AGPS: variants seen among roughly 807,000 people sequenced by gnomAD.
AGPS encodes alkylglycerone phosphate synthase, also known as alkyldihydroxyacetonephosphate synthase, peroxisomal.
In AGPS, 26 loss-of-function variants were observed where a neutral mutation model predicts 90.7. That is an observed-to-expected ratio of 0.29 (90% CI 0.21 to 0.40). AGPS has a LOEUF of 0.40. Among genes scored for constraint, AGPS ranks in the 10% least tolerant of loss-of-function variants. The pLI is 1.00. For missense variants in AGPS, 540 were observed against 816.1 expected (o/e 0.66, Z 4.12); for synonymous variants, 294 against 285.3 (o/e 1.03, Z -0.31).
intron 1 of AGPS, among the ~76,000 whole-genome samples, chr2:177,397,431 A>G (rs986588453): frequency 3.3e-5 from 5 of 149,346 alleles, no homozygotes; most frequent in South Asian, 2.1e-4. Flanking sequence ...TCAATTACAT[A>G]TGTGACACTT....
At chr2:177,400,578 A>G (rs1685305667) in intron 1 of AGPS, among the ~76,000 whole-genome samples, 1 of 152,174 alleles carries the variant, frequency 6.6e-6, no homozygotes, top group Admixed American at 6.5e-5. Context: ...CTCCTGGGTG[A>G]GATTCGGAGG....
intron 9 of AGPS, 61 bp downstream of exon 9, chr2:177,462,079 G>A (rs1329002614): frequency 2.9e-6 from 4 of 1,393,122 alleles, no homozygotes; most frequent in Non-Finnish European, 3.9e-6. Context: ...ATTATAAAAT[G>A]ATTAGAAGCC....
intron 19 of AGPS, among the ~76,000 whole-genome samples, chr2:177,528,719 A>G (rs964874426): frequency 2.0e-5 from 3 of 152,198 alleles, no homozygotes; most frequent in Middle Eastern, 3.2e-3. Flanking sequence ...TGGCTGCTCT[A>G]CATAGTTCAA....
At chr2:177,459,856 A>C (rs572176513) in intron 8 of AGPS, among the ~76,000 whole-genome samples, 2 of 152,260 alleles carry the variant, frequency 1.3e-5, no homozygotes, top group South Asian at 2.1e-4. Context: ...CGATAAAGAC[A>C]CATGCACATG....
rs769385587 is a variant in AGPS at position 177,461,139 on chromosome 2, ATGG to A, written c.871-748_871-746del. Among the ~76,000 whole-genome samples the A allele has an allele frequency of 6.6e-5, 10 of 152,326 alleles. No individual in the cohort carries two copies. The South Asian group carries it at 1.0e-3, about 16-fold the overall frequency. On this transcript the variant is annotated intron_variant, in intron 8 of 19. Transcript: ENST00000264167. Reference sequence around the variant, plus strand: ...AGTGTAGCAGACAGCGGGTATGCAGATGGTGGTGTCTGTACCGTTTGAGAAGAG... The same window carrying A: ...AGTGTAGCAGACAGCGGGTATGCAGATGGTGTCTGTACCGTTTGAGAAGAG...
chr2:177,506,275 G>C (rs188611013), intron 15 of AGPS, among the ~76,000 whole-genome samples: 5 of 151,144 alleles, frequency 3.3e-5, no homozygotes, highest in African/African-American at 1.2e-4. Flanking sequence ...TACTCTAAAA[G>C]GTCATTTTTT....
At chr2:177,405,712 A>AT (rs2105591627) in intron 1 of AGPS, among the ~76,000 whole-genome samples, 1 of 135,332 alleles carries the variant, frequency 7.4e-6, no homozygotes, top group African/African-American at 2.8e-5. Flanking sequence ...CTTTCTGACC[A>AT]TGGTTTTGCT....
intron 1 of AGPS, among the ~76,000 whole-genome samples, chr2:177,411,831 G>T (rs970054324): frequency 2.0e-5 from 3 of 152,120 alleles, no homozygotes; most frequent in African/African-American, 7.2e-5. Context: ...ATAGTACTGG[G>T]TCATCAGTTC....
At chr2:177,536,041 C>T (rs1315242202) in intron 19 of AGPS, among the ~76,000 whole-genome samples, 6 of 152,110 alleles carry the variant, frequency 3.9e-5, no homozygotes, top group Non-Finnish European at 7.4e-5. Context: ...CTCCAAGCAC[C>T]TTCTGTTTTC....
At chr2:177,411,444 C>G (rs997827828) in intron 1 of AGPS, among the ~76,000 whole-genome samples, 3 of 152,198 alleles carry the variant, frequency 2.0e-5, no homozygotes, top group Non-Finnish European at 4.4e-5. Context: ...CAGCACCAAT[C>G]TCCATGTTCT....
At chr2:177,500,551 T>C (rs1450722665) in intron 14 of AGPS, among the ~76,000 whole-genome samples, 1 of 151,922 alleles carries the variant, frequency 6.6e-6, no homozygotes, top group East Asian at 1.9e-4. Context: ...CCCACTTTTA[T>C]GTATTTTTTT....
chr2:177,436,520 C>T (rs1686416915), intron 3 of AGPS, among the ~76,000 whole-genome samples: 1 of 152,076 alleles, frequency 6.6e-6, no homozygotes, highest in Non-Finnish European at 1.5e-5. Flanking sequence ...CTCCCAGTCT[C>T]CTTAATCTGA....
rs2105666249 is a variant in AGPS, at chr2:177,461,931, T to C, written c.909T>C (p.Asp303=). The C allele has an allele frequency of 1.9e-6, 3 of 1,612,462 alleles. No individual in the cohort carries two copies. Among genetic ancestry groups the C allele is most frequent in the Non-Finnish European group, 2.5e-6 (3 of 1,178,944 alleles). The change falls in exon 9 of 20, where the codon GAT becomes GAC. Residue 303 remains aspartate, a synonymous_variant. Coordinates refer to ENST00000264167, the MANE Select transcript of AGPS (RefSeq NM_003659.4). ...GTTATTGTACAGGTCATGAACCAGA[T>C]TCCCTGGAGTTCAGTACTGTAGGAG... The part of the protein sequence containing the change: ...ESGYCTGHEP[D]SLEFSTVGGW...
At chr2:177,501,423 G>T (rs1221760578) in intron 14 of AGPS, among the ~76,000 whole-genome samples, 1 of 151,978 alleles carries the variant, frequency 6.6e-6, no homozygotes, top group Non-Finnish European at 1.5e-5. Context: ...TGTTTGTTGT[G>T]CCTCATAATT....
At position 177,512,867 on chromosome 2, in the gene AGPS, A is replaced by G. The variant is rs185265131; in HGVS notation, c.1608-952A>G. Among the ~76,000 whole-genome samples the G allele has an allele frequency of 4.6e-5, 7 of 152,302 alleles. No homozygotes were observed. The East Asian group carries it at 7.7e-4, about 17-fold the overall frequency. ...ATGATTATAATTTATTTTGAAAGAC[A>G]GTGCCTTGCTCTGTTGCCCAGGCTG... On this transcript the variant is annotated intron_variant, in intron 16 of 19. Coordinates refer to ENST00000264167, the MANE Select transcript of AGPS (RefSeq NM_003659.4).
intron 14 of AGPS, among the ~76,000 whole-genome samples, chr2:177,504,446 T>C (rs976075993): frequency 2.8e-4 from 43 of 152,118 alleles, no homozygotes; most frequent in African/African-American, 1.0e-3. Flanking sequence ...AACAGTCCCC[T>C]TCATTTTTTT....
At chr2:177,427,647 G>C (rs918126898) in intron 2 of AGPS, among the ~76,000 whole-genome samples, 2 of 152,092 alleles carry the variant, frequency 1.3e-5, no homozygotes, top group African/African-American at 2.4e-5. Context: ...GTATGGTTTT[G>C]GGTGATTTTT....
At chr2:177,527,638 T>C (rs1052259866) in intron 19 of AGPS, among the ~76,000 whole-genome samples, 3 of 152,170 alleles carry the variant, frequency 2.0e-5, no homozygotes, top group Non-Finnish European at 4.4e-5. Context: ...TATCAGGTAA[T>C]AGAACAAATG....
intron 19 of AGPS, among the ~76,000 whole-genome samples, chr2:177,532,686 T>C (rs1380706313): frequency 6.6e-6 from 1 of 152,302 alleles, no homozygotes; most frequent in East Asian, 1.9e-4. Context: ...GCTTTATTCA[T>C]AATAGCATAA....
Sources: allele counts gnomAD v4.1 joint callset (sites outside exome capture counted in the v4.1 genomes callset), GRCh38; gene constraint gnomAD v4.1.1; transcripts MANE v1.5; gene names NCBI Gene and HGNC (gene_info 2026-07-23, HGNC 2026-07-21).